The following DCAF6 variants were observed in gnomAD, a reference collection of about 807,000 sequenced individuals.
DCAF6 encodes the protein DDB1- and CUL4-associated factor 6.
DCAF6 carries 54 observed loss-of-function variants against 125.1 expected under a neutral mutation model. That is an observed-to-expected ratio of 0.43 (90% CI 0.35 to 0.54). The LOEUF (loss-of-function observed/expected upper bound fraction) is 0.54. Among genes scored for constraint, DCAF6 ranks in the 20% least tolerant of loss-of-function variants. The pLI, the probability that DCAF6 is intolerant of heterozygous loss-of-function variation, is 0.01. For synonymous variants in DCAF6, 371 were observed against 390.4 expected (o/e 0.95, Z 0.58); for missense variants, 934 against 1,161.7 (o/e 0.80, Z 2.85).
At chr1:167,963,235 G>C (rs775092667) in intron 2 of DCAF6, among the ~76,000 whole-genome samples, 5 of 151,830 alleles carry the variant, frequency 3.3e-5, no homozygotes, top group Non-Finnish European at 7.4e-5. Context: ...CTTCACTTCA[G>C]CCTGGGCAAA....
chr1:167,915,759 G>T, the DCAF6 span, among the ~76,000 whole-genome samples: 1 of 152,016 alleles, frequency 6.6e-6, no homozygotes, highest in African/African-American at 2.4e-5. Flanking sequence ...CCCGTTTCCT[G>T]AACTTTCCAT....
intron 21 of DCAF6, among the ~76,000 whole-genome samples, chr1:168,070,583 A>G (rs1692904354): frequency 6.6e-6 from 1 of 152,214 alleles, no homozygotes; most frequent in South Asian, 2.1e-4. Flanking sequence ...AACTACAAAT[A>G]CTTACCTAGG....
intron 20 of DCAF6, among the ~76,000 whole-genome samples, chr1:168,067,836 G>A (rs1397275724): frequency 1.3e-5 from 2 of 151,964 alleles, no homozygotes; most frequent in Non-Finnish European, 2.9e-5. Flanking sequence ...ATCTCTGGGT[G>A]TTCACGAGTA....
At chr1:168,066,857 T>C (rs750718341) in intron 20 of DCAF6, among the ~76,000 whole-genome samples, 12 of 152,168 alleles carry the variant, frequency 7.9e-5, no homozygotes, top group Non-Finnish European at 1.5e-5. Flanking sequence ...TATTTTTCCA[T>C]TTTGAGTTTT....
the DCAF6 span, among the ~76,000 whole-genome samples, chr1:167,865,975 G>A: frequency 5.3e-5 from 8 of 152,250 alleles, no homozygotes; most frequent in South Asian, 4.1e-4. Context: ...TCCAGCCTCC[G>A]TCTCCCAACA....
the DCAF6 span, among the ~76,000 whole-genome samples, chr1:167,925,504 T>C: frequency 9.9e-5 from 14 of 141,936 alleles, no homozygotes; most frequent in East Asian, 4.1e-4. Context: ...CATATATATA[T>C]ACACATACAA....
At chr1:168,030,189 C>T (rs1686886267) in intron 12 of DCAF6, among the ~76,000 whole-genome samples, 1 of 152,090 alleles carries the variant, frequency 6.6e-6, no homozygotes, top group South Asian at 2.1e-4. Context: ...CAGTGTGGAA[C>T]ATAGGAGAGT....
In DCAF6 at chr1:167,936,730, C is replaced by T; in HGVS notation, c.-182C>T. The T allele has an allele frequency of 6.7e-6, 4 of 597,996 alleles. No individual in the cohort carries two copies. The highest frequency in any genetic ancestry group is 1.2e-5 in the Non-Finnish European group (4 of 334,736). 37.0% of individuals were successfully genotyped at this position (597,996 alleles called of 1,614,324 possible). ...AGGAGAGTATGAGGCGAGCTCCGGCCCGGGTGCGGCCGGGCTTCAGGGGCC... is the reference window on the plus strand; with the variant it reads ...AGGAGAGTATGAGGCGAGCTCCGGCTCGGGTGCGGCCGGGCTTCAGGGGCC... On this transcript the variant is annotated 5_prime_UTR_variant, in exon 1 of 22. Coordinates refer to ENST00000367840, the MANE Select transcript of DCAF6 (RefSeq NM_001198956.2).
At chr1:167,929,715 C>G in the DCAF6 span, among the ~76,000 whole-genome samples, 1 of 152,134 alleles carries the variant, frequency 6.6e-6, no homozygotes, top group Non-Finnish European at 1.5e-5. Context: ...ATATGATTCC[C>G]TCCCTAAGTA....
chr1:167,899,694 T>G, the DCAF6 span: 1 of 1,520,220 alleles, frequency 6.6e-7, no homozygotes, highest in Non-Finnish European at 9.0e-7. Flanking sequence ...AGCACAGGTT[T>G]TTGGAAAAAC....
chr1:168,072,305 A>G (rs1300335543), intron 21 of DCAF6, among the ~76,000 whole-genome samples: 1 of 145,586 alleles, frequency 6.9e-6, no homozygotes, highest in East Asian at 2.2e-4. Context: ...AAAAAAAAAA[A>G]AAAAAAAAAA....
At chr1:167,887,834 G>A in the DCAF6 span, among the ~76,000 whole-genome samples, 73 of 149,656 alleles carry the variant, frequency 4.9e-4, no homozygotes, top group African/African-American at 1.7e-3. Context: ...TTGGTTGCCT[G>A]TGCTTGTGGG....
chr1:167,928,545 G>A, the DCAF6 span, among the ~76,000 whole-genome samples: 2 of 151,984 alleles, frequency 1.3e-5, no homozygotes, highest in African/African-American at 2.4e-5. Flanking sequence ...ATATGGTAGC[G>A]AAAAAACATT....
chr1:167,878,661 G>T, the DCAF6 span: 1 of 1,607,658 alleles, frequency 6.2e-7, no homozygotes, highest in Admixed American at 1.7e-5. Context: ...GAAAGTCAAA[G>T]ATCAGGGAAA....
chr1:167,970,405 CT>C (rs1307853480), intron 3 of DCAF6, among the ~76,000 whole-genome samples: 1 of 152,146 alleles, frequency 6.6e-6, no homozygotes, highest in East Asian at 1.9e-4. Flanking sequence ...AATCCCAGCA[CT>C]TTGGGAGGCC....
chr1:167,902,436 A>C, the DCAF6 span, among the ~76,000 whole-genome samples: 1 of 152,374 alleles, frequency 6.6e-6, no homozygotes, highest in African/African-American at 2.4e-5. Context: ...TGGATGAATG[A>C]CAGGACTCCA....
At chr1:168,035,374 G>C (rs879632971) in intron 12 of DCAF6, among the ~76,000 whole-genome samples, 3 of 152,172 alleles carry the variant, frequency 2.0e-5, no homozygotes, top group Non-Finnish European at 4.4e-5. Flanking sequence ...CTTAGCCTGG[G>C]AAATTGAGGA....
intron 17 of DCAF6, among the ~76,000 whole-genome samples, chr1:168,052,905 C>T (rs561247701): frequency 2.0e-5 from 3 of 152,254 alleles, no homozygotes; most frequent in Admixed American, 6.5e-5. Context: ...GAAACAAACC[C>T]AGCTTCCTTG....
At chr1:168,063,397 A>C (rs894655609) in intron 17 of DCAF6, among the ~76,000 whole-genome samples, 1 of 152,146 alleles carries the variant, frequency 6.6e-6, no homozygotes, top group Non-Finnish European at 1.5e-5. Flanking sequence ...TTCATCCAGT[A>C]CCAAATTTCT....
Sources: gnomAD v4.1 joint callset for allele counts (sites outside exome capture counted in the v4.1 genomes callset) on GRCh38, gnomAD v4.1.1 for gene constraint, MANE v1.5 for transcripts, NCBI Gene and HGNC (gene_info 2026-07-23, HGNC 2026-07-21) for gene names.